Variants in CCDC3 observed in about 807,000 individuals in gnomAD.
CCDC3 encodes coiled-coil domain-containing protein 3.
A neutral mutation model predicts 21.4 loss-of-function variants in CCDC3; 24 were observed. That is an observed-to-expected ratio of 1.12 (90% CI 0.81 to 1.58). The LOEUF (loss-of-function observed/expected upper bound fraction) is 1.58. Among genes scored for constraint, CCDC3 ranks in the 40% most tolerant of loss-of-function variants. The pLI is 0.00. For missense variants in CCDC3, 425 were observed against 360.9 expected (o/e 1.18, Z -1.44); for synonymous variants, 186 against 166.0 (o/e 1.12, Z -0.93).
chr10:13,014,802 G>T (rs1836031204), intron 5 of CCDC3, among the ~76,000 whole-genome samples: 1 of 152,060 alleles, frequency 6.6e-6, no homozygotes, highest in South Asian at 2.1e-4. Context: ...TGAATTTTTT[G>T]AAAGAGGATT....
At chr10:12,984,628 G>T (rs949865590) in intron 2 of CCDC3, among the ~76,000 whole-genome samples, 6 of 152,122 alleles carry the variant, frequency 3.9e-5, no homozygotes, top group Non-Finnish European at 7.4e-5. Flanking sequence ...TTTATAACAG[G>T]CAAGAGTGGA....
At chr10:12,906,665 G>C (rs1255970679) in intron 2 of CCDC3, among the ~76,000 whole-genome samples, 1 of 152,172 alleles carries the variant, frequency 6.6e-6, no homozygotes, top group Non-Finnish European at 1.5e-5. Flanking sequence ...GTGGGGTCTT[G>C]CTTAAGTCAA....
chr10:13,001,372 G>T lies in CCDC3; in HGVS notation c.199C>A (p.His67Asn), dbSNP rs1206037221. ...TAGAAGAGGCCCCCCTGGCCGGCGT[G>T]GTACTGCCAGGGCAGGTGGTTGTAG... ...GLYNHLPWQY[H>N]AGQGGLFYSA... The change falls in exon 1 of 3, where the codon CAC becomes AAC. Residue 67 changes from histidine (H) to asparagine (N), a missense_variant. By Grantham distance (68) the His-to-Asn change is moderately conservative (BLOSUM62 1). Coordinates refer to ENST00000378825, the MANE Select transcript of CCDC3 (RefSeq NM_031455.4). 2.5e-6 allele frequency: 4 copies of T among 1,591,688 alleles called. No homozygotes were observed. In the Admixed American group the frequency reaches 7.1e-5, roughly 28 times the overall value.
intron 3 of CCDC3, among the ~76,000 whole-genome samples, chr10:13,088,458 C>T (rs865802312): frequency 2.6e-5 from 4 of 152,160 alleles, no homozygotes; most frequent in African/African-American, 9.7e-5. Context: ...GAGTCAATAT[C>T]ATCAAACTAT....
chr10:12,934,827 C>T (rs952168166), intron 2 of CCDC3, among the ~76,000 whole-genome samples: 1 of 152,112 alleles, frequency 6.6e-6, no homozygotes, highest in Non-Finnish European at 1.5e-5. Flanking sequence ...GAGACAGGGC[C>T]TTGCTCTGTT....
At chr10:12,950,395 T>C (rs1490625076) in intron 2 of CCDC3, among the ~76,000 whole-genome samples, 1 of 152,200 alleles carries the variant, frequency 6.6e-6, no homozygotes, top group Admixed American at 6.5e-5. Flanking sequence ...AGGAGGATGC[T>C]CTTCCCAGGG....
chr10:13,073,067 T>A (rs190730470), intron 4 of CCDC3, among the ~76,000 whole-genome samples: 1 of 152,074 alleles, frequency 6.6e-6, no homozygotes, highest in East Asian at 1.9e-4. Context: ...AGTTTCACCA[T>A]GTTGGTCAGG....
chr10:13,080,663 A>G (rs951363281), intron 3 of CCDC3, among the ~76,000 whole-genome samples: 1 of 152,264 alleles, frequency 6.6e-6, no homozygotes, highest in South Asian at 2.1e-4. Context: ...CAACTGCATC[A>G]AAGAACCCAT....
intron 2 of CCDC3, among the ~76,000 whole-genome samples, chr10:12,902,772 T>G (rs745590428): frequency 6.6e-6 from 1 of 152,118 alleles, no homozygotes; most frequent in Non-Finnish European, 1.5e-5. Context: ...CCCTCGACCA[T>G]GGACACAGCT....
chr10:13,043,924 C>G (rs563962882), intron 5 of CCDC3, among the ~76,000 whole-genome samples: 14 of 152,322 alleles, frequency 9.2e-5, no homozygotes, highest in Non-Finnish European at 1.8e-4. Context: ...TATTTGAGAA[C>G]TCTCCAAACT....
At chr10:13,034,379 T>C (rs879807196) in intron 5 of CCDC3, among the ~76,000 whole-genome samples, 11 of 151,308 alleles carry the variant, frequency 7.3e-5, no homozygotes, top group Non-Finnish European at 1.5e-4. Context: ...CATTAGGAGA[T>C]ATACCTAATG....
intron 5 of CCDC3, among the ~76,000 whole-genome samples, chr10:13,017,527 A>G (rs541665709): frequency 6.7e-6 from 1 of 148,400 alleles, no homozygotes; most frequent in African/African-American, 2.4e-5. Context: ...AAAAAAAAAA[A>G]AAAAGAAAAG....
intron 2 of CCDC3, among the ~76,000 whole-genome samples, chr10:12,942,961 A>G (rs987010759): frequency 1.3e-5 from 2 of 152,210 alleles, no homozygotes; most frequent in African/African-American, 4.8e-5. Flanking sequence ...CCATTTCAGT[A>G]CATGCCTAAA....
chr10:12,972,499 A>G (rs1011068422), intron 2 of CCDC3, among the ~76,000 whole-genome samples: 1 of 152,122 alleles, frequency 6.6e-6, no homozygotes, highest in African/African-American at 2.4e-5. Context: ...AGAAACTCCA[A>G]GTCATATTCC....
At chr10:12,901,517 C>G (rs1187058163) in intron 2 of CCDC3, among the ~76,000 whole-genome samples, 1 of 152,126 alleles carries the variant, frequency 6.6e-6, no homozygotes, top group East Asian at 1.9e-4. Flanking sequence ...TCGTGATCTG[C>G]CCGCCTCGGC....
chr10:13,096,048 A>G (rs1290857684), intron 3 of CCDC3, among the ~76,000 whole-genome samples: 1 of 152,124 alleles, frequency 6.6e-6, no homozygotes, highest in African/African-American at 2.4e-5. Flanking sequence ...GCAAGTACGA[A>G]TATTAGTCTA....
chr10:12,993,037 G>A (rs866159949), intron 2 of CCDC3, among the ~76,000 whole-genome samples: 6 of 152,116 alleles, frequency 3.9e-5, no homozygotes, highest in South Asian at 2.1e-4. Flanking sequence ...CCTTCCATCC[G>A]TTCCCATCTC....
At chr10:13,077,719 T>C (rs1203426933) in intron 3 of CCDC3, among the ~76,000 whole-genome samples, 1 of 152,168 alleles carries the variant, frequency 6.6e-6, no homozygotes, top group Non-Finnish European at 1.5e-5. Flanking sequence ...TCTACAATCA[T>C]CTGATCTTTG....
rs549463335 is a variant in CCDC3, at chr10:12,973,241, G to A, written c.549+25097C>T. Among the ~76,000 whole-genome samples, 3 of 152,276 alleles carry A rather than the reference G, an allele frequency of 2.0e-5. No individual in the cohort carries two copies. In the South Asian group the frequency reaches 6.2e-4, roughly 32 times the overall value. On this transcript the variant is annotated intron_variant, in intron 2 of 2. Transcript: ENST00000378825. ...GAGTCACAATGAGACCTTCTCTAAA[G>A]GATGCAAGAACACAATATCACAGCA...
Sources: gnomAD v4.1 joint callset for allele counts (sites outside exome capture counted in the v4.1 genomes callset) on GRCh38, gnomAD v4.1.1 for gene constraint, MANE v1.5 for transcripts, NCBI Gene and HGNC (gene_info 2026-07-23, HGNC 2026-07-21) for gene names.